The following RAD51B variants were observed in gnomAD, a reference collection of about 807,000 sequenced individuals.
RAD51B encodes the protein RAD51 paralog B, also known as DNA repair protein RAD51 homolog 2.
RAD51B carries 38 observed loss-of-function variants against 42.2 expected under a neutral mutation model. That is an observed-to-expected ratio of 0.90 (90% CI 0.70 to 1.18). The LOEUF is 1.18. Among genes scored for constraint, RAD51B ranks in the 50% most tolerant of loss-of-function variants. The pLI is 0.00. For missense variants in RAD51B, 373 were observed against 400.7 expected (o/e 0.93, Z 0.59); for synonymous variants, 154 against 145.2 (o/e 1.06, Z -0.43).
At chr14:68,328,556 C>G (rs1158123789) in intron 8 of RAD51B, among the ~76,000 whole-genome samples, 1 of 152,196 alleles carries the variant, frequency 6.6e-6, no homozygotes, top group African/African-American at 2.4e-5. Flanking sequence ...GTGTTCTCCC[C>G]TGTCCAGCTC....
At chr14:68,632,655 C>T (rs960843653) in intron 10 of RAD51B, among the ~76,000 whole-genome samples, 5 of 152,206 alleles carry the variant, frequency 3.3e-5, no homozygotes, top group African/African-American at 1.2e-4. Context: ...CCTAACACAC[C>T]ATGCCCCTGC....
chr14:68,487,175 G>A (rs1883691270), intron 10 of RAD51B, among the ~76,000 whole-genome samples: 1 of 152,184 alleles, frequency 6.6e-6, no homozygotes, highest in Non-Finnish European at 1.5e-5. Flanking sequence ...ACACGGCTCT[G>A]GAGACTGGAA....
intron 7 of RAD51B, among the ~76,000 whole-genome samples, chr14:67,963,934 A>G (rs1252300005): frequency 6.6e-6 from 1 of 151,868 alleles, no homozygotes; most frequent in Non-Finnish European, 1.5e-5. Context: ...TTTGAAAACC[A>G]TCTAGTATAT....
At chr14:68,429,348 T>G (rs1286966484) in intron 9 of RAD51B, among the ~76,000 whole-genome samples, 2 of 152,218 alleles carry the variant, frequency 1.3e-5, no homozygotes, top group Non-Finnish European at 2.9e-5. Context: ...CCACAATGGT[T>G]GAACTAGTTT....
intron 10 of RAD51B, among the ~76,000 whole-genome samples, chr14:68,585,097 A>G (rs1403484534): frequency 6.6e-6 from 1 of 152,168 alleles, no homozygotes; most frequent in East Asian, 1.9e-4. Context: ...CAAGTGGGCA[A>G]ATGGGGCCTT....
chr14:67,927,999 G>A (rs1360758435), intron 7 of RAD51B, among the ~76,000 whole-genome samples: 2 of 151,984 alleles, frequency 1.3e-5, no homozygotes, highest in African/African-American at 2.4e-5. Flanking sequence ...TGGTATCAGG[G>A]TAATGCTGGC....
chr14:68,391,332 G>C (rs1385898357), intron 8 of RAD51B, among the ~76,000 whole-genome samples: 4 of 152,138 alleles, frequency 2.6e-5, no homozygotes, highest in African/African-American at 9.6e-5. Flanking sequence ...TGCTGAGCTT[G>C]CCCTTCCAAG....
chr14:68,045,250 A>AG (rs2076281976), intron 7 of RAD51B, among the ~76,000 whole-genome samples: 1 of 150,634 alleles, frequency 6.6e-6, no homozygotes, highest in Non-Finnish European at 1.5e-5. Context: ...AAAAAAAAAA[A>AG]AAAAAAAAAA....
In RAD51B at chr14:67,977,193, C is replaced by T. The variant is rs1021826884; in HGVS notation, c.756+89989C>T. ...AACTAGAATTCCAATTTTCTGACAG[C>T]AAAATCCTTTTACTTCTCGCATCTT... On this transcript the variant is annotated intron_variant, in intron 7 of 10. Transcript: ENST00000471583. Among the ~76,000 whole-genome samples, 13 of 152,166 alleles carry T rather than the reference C, an allele frequency of 8.5e-5. 1 individual carries two copies. The highest frequency in any genetic ancestry group is 3.9e-4 in the Admixed American group (6 of 15,280).
intron 10 of RAD51B, among the ~76,000 whole-genome samples, chr14:68,594,169 T>C (rs1231435879): frequency 6.6e-6 from 1 of 151,492 alleles, no homozygotes; most frequent in African/African-American, 2.4e-5. Context: ...TTCCAGGACT[T>C]TTCATATGCA....
intron 7 of RAD51B, among the ~76,000 whole-genome samples, chr14:67,987,381 T>A (rs538333587): frequency 6.6e-6 from 1 of 152,272 alleles, no homozygotes; most frequent in South Asian, 2.1e-4. Context: ...TTCTACTCTC[T>A]ATGTCCATGA....
At chr14:68,509,151 G>A (rs903520086) in intron 10 of RAD51B, among the ~76,000 whole-genome samples, 5 of 152,236 alleles carry the variant, frequency 3.3e-5, no homozygotes, top group Non-Finnish European at 5.9e-5. Context: ...GTTTTCAAGG[G>A]GTGAGTGTAG....
chr14:68,138,077 C>T (rs1054619062), intron 7 of RAD51B, among the ~76,000 whole-genome samples: 5 of 152,172 alleles, frequency 3.3e-5, no homozygotes, highest in Non-Finnish European at 1.5e-5. Flanking sequence ...AAAAGTCTAG[C>T]TTACAGACCC....
chr14:68,160,499 A>C (rs1022124284), intron 7 of RAD51B, among the ~76,000 whole-genome samples: 1 of 152,188 alleles, frequency 6.6e-6, no homozygotes, highest in Non-Finnish European at 1.5e-5. Flanking sequence ...TGCCCTGCCA[A>C]GTCATATTGG....
At chr14:68,081,689 G>A (rs575037778) in intron 7 of RAD51B, among the ~76,000 whole-genome samples, 3 of 152,142 alleles carry the variant, frequency 2.0e-5, no homozygotes, top group Admixed American at 6.5e-5. Flanking sequence ...CCTTGTCCCC[G>A]TCGCAGGGCA....
intron 7 of RAD51B, among the ~76,000 whole-genome samples, chr14:68,186,003 A>G (rs1237855105): frequency 3.9e-5 from 6 of 152,194 alleles, no homozygotes; most frequent in Non-Finnish European, 8.8e-5. Context: ...TGGTACTGGT[A>G]CAGAAGCAAA....
At chr14:67,873,545 C>G (rs1023800131) in intron 5 of RAD51B, among the ~76,000 whole-genome samples, 2 of 151,646 alleles carry the variant, frequency 1.3e-5, no homozygotes, top group Admixed American at 6.6e-5. Flanking sequence ...CCTCAGGGAT[C>G]TAGAACTAGA....
Position 68,278,078 on chromosome 14 carries a change from C to T in RAD51B, c.757-13806C>T, listed in dbSNP as rs79792474. On this transcript the variant is annotated intron_variant, in intron 7 of 10. Transcript: ENST00000471583. The stretch of plus-strand genomic sequence containing the variant: ...TGTGTTCTATTGGCTCTTTTGCCTA[C>T]CAGTGCCAGAAATTTCCTACACTTC... Among the ~76,000 whole-genome samples, 421 of 152,254 alleles carry T rather than the reference C, an allele frequency of 2.8e-3. 11 individuals carry two copies. In the East Asian group the frequency reaches 0.047, roughly 17 times the overall value.
intron 10 of RAD51B, among the ~76,000 whole-genome samples, chr14:68,493,813 A>G (rs1453860774): frequency 6.6e-6 from 1 of 152,228 alleles, no homozygotes; most frequent in Non-Finnish European, 1.5e-5. Flanking sequence ...TCTAAAGGCA[A>G]TTGATGAACT....
Sources: gnomAD v4.1 joint callset for allele counts (sites outside exome capture counted in the v4.1 genomes callset) on GRCh38, gnomAD v4.1.1 for gene constraint, MANE v1.5 for transcripts, NCBI Gene and HGNC (gene_info 2026-07-23, HGNC 2026-07-21) for gene names.